MAP4K4: variants seen among roughly 807,000 people sequenced by gnomAD.
The protein encoded by MAP4K4 is HPK/GCK-like kinase HGK.
MAP4K4 carries 38 observed loss-of-function variants against 189.6 expected under a neutral mutation model. The ratio of observed to expected loss-of-function variants is 0.20; its 90% CI spans 0.15 to 0.26. MAP4K4 has a LOEUF of 0.26. Ranked by LOEUF, MAP4K4 falls within the 10% of genes least tolerant of loss-of-function variation. The probability of loss-of-function intolerance (pLI) is 1.00; values close to 1 mark genes in which losing one functional copy is unlikely to be tolerated. For missense variants in MAP4K4, 1,054 were observed against 1,726.9 expected, an observed-to-expected ratio of 0.61 and a Z score of 6.91; for synonymous variants, 610 against 624.3, an observed-to-expected ratio of 0.98 and a Z score of 0.34.
intron 2 of MAP4K4, among the ~76,000 whole-genome samples, chr2:101,721,736 C>G (rs910159607): frequency 7.2e-5 from 11 of 152,136 alleles, no homozygotes; most frequent in Non-Finnish European, 1.5e-4. Flanking sequence ...GTGCCCAGCC[C>G]TTGCTTTTTG....
At position 101,842,409 on chromosome 2, in the gene MAP4K4, A is replaced by C. The variant is rs145412179; in HGVS notation, c.950-200A>C. ...CCGTGGAATCAGCTTTTCTGTGGGGAGTAAGGCTGACCAGGGAATAGATGC... is the reference window on the plus strand; with the variant it reads ...CCGTGGAATCAGCTTTTCTGTGGGGCGTAAGGCTGACCAGGGAATAGATGC... On this transcript the variant is annotated intron_variant, in intron 10 of 32. Coordinates refer to ENST00000324219, the Ensembl canonical transcript of MAP4K4. Among the ~76,000 whole-genome samples, 863 of 152,220 alleles carry C rather than the reference A, an allele frequency of 5.7e-3. 9 individuals are homozygous for C. The highest frequency in any genetic ancestry group is 0.02 in the African/African-American group (836 of 41,532).
intron 2 of MAP4K4, among the ~76,000 whole-genome samples, chr2:101,726,786 C>T (rs2055625885): frequency 1.3e-5 from 2 of 152,144 alleles, no homozygotes; most frequent in Non-Finnish European, 2.9e-5. Context: ...TTCATTTTGA[C>T]CCTCTCAGTC....
chr2:101,894,428 T>A (rs1346830367), exon 33 of MAP4K4: 2 of 152,804 alleles, frequency 1.3e-5, no homozygotes, highest in East Asian at 3.7e-4. Flanking sequence ...ATTTATGGTT[T>A]ATTTTAAGTG....
In MAP4K4 at chr2:101,856,103, G is replaced by A. The variant is rs1336196586; in HGVS notation, c.1360G>A (p.Ala454Thr). 1.9e-6 allele frequency: 3 copies of A among 1,551,494 alleles called. No homozygotes were observed. In the African/African-American group the frequency reaches 4.1e-5, roughly 21 times the overall value. ...CAAAGAAGAAGAGGAGAGGAGACGG[G>A]CAGAAGAAGAAAAGAGGAGAGTTGA... Residue 454 changes from alanine to threonine, a missense_variant, in exon 13 of 33, where the codon GCA becomes ACA. By Grantham distance (58) the Ala-to-Thr change is moderately conservative. Coordinates refer to ENST00000324219, the Ensembl canonical transcript of MAP4K4.
chr2:101,850,055 AC>A (rs2097233104), intron 12 of MAP4K4, among the ~76,000 whole-genome samples: 1 of 152,004 alleles, frequency 6.6e-6, no homozygotes, highest in African/African-American at 2.4e-5. Flanking sequence ...CAAAGCCTTT[AC>A]CCCTGGACTC....
rs922551402 is a variant in MAP4K4, at chr2:101,778,605, G to T, written c.124-12115G>T. Among the ~76,000 whole-genome samples, 21 of 152,244 alleles carry T rather than the reference G, an allele frequency of 1.4e-4. No individual in the cohort carries two copies. The East Asian group carries it at 4.1e-3, about 29-fold the overall frequency. On this transcript the variant is annotated intron_variant, in intron 2 of 32. Coordinates refer to ENST00000324219, the Ensembl canonical transcript of MAP4K4. ...GGGTTGAGTGAAAAGCAGGGGCAGG[G>T]TTAAGAGGAGTCGGAGAGGATCTTC...
At chr2:101,839,717 GA>G (rs970303616) in intron 9 of MAP4K4, 101 bp from the exon 10 acceptor site, 1 of 846,850 alleles carries the variant, frequency 1.2e-6, no homozygotes, top group Non-Finnish European at 1.8e-6. Context: ...TGTTCACAGT[GA>G]ATTCTGAAGC....
At chr2:101,793,116 G>A (rs1216498210) in intron 3 of MAP4K4, among the ~76,000 whole-genome samples, 6 of 152,176 alleles carry the variant, frequency 3.9e-5, no homozygotes, top group African/African-American at 1.4e-4. Context: ...TTGGACACAT[G>A]CATGATATAA....
chr2:101,812,529 T>C (rs2095492630), intron 3 of MAP4K4, among the ~76,000 whole-genome samples: 1 of 152,164 alleles, frequency 6.6e-6, no homozygotes, highest in Non-Finnish European at 1.5e-5. Context: ...GTTAATGAAC[T>C]GTTTTAAGAC....
intron 27 of MAP4K4, among the ~76,000 whole-genome samples, chr2:101,879,400 A>G (rs943863850): frequency 6.6e-6 from 1 of 151,734 alleles, no homozygotes; most frequent in African/African-American, 2.4e-5. Context: ...TGTCACCCCC[A>G]TCTCAGAGAT....
Position 101,866,425 on chromosome 2 carries a change from C to G in MAP4K4, c.2205-3C>G. ...GCTGTTCTCTCTTCTTCTTTTCTAACAGCAGTATTGAGCCCAGGCTTCTGT... is the reference window on the plus strand; with the variant it reads ...GCTGTTCTCTCTTCTTCTTTTCTAAGAGCAGTATTGAGCCCAGGCTTCTGT... On this transcript the variant is annotated splice_region_variant and splice_polypyrimidine_tract_variant and intron_variant, in intron 18 of 32. Transcript: ENST00000324219. 3 of 1,606,878 alleles carry G rather than the reference C, an allele frequency of 1.9e-6. No individual in the cohort carries two copies. The East Asian group carries it at 6.7e-5, about 36-fold the overall frequency.
At chr2:101,719,400 A>C (rs1047003487) in intron 2 of MAP4K4, among the ~76,000 whole-genome samples, 1 of 152,220 alleles carries the variant, frequency 6.6e-6, no homozygotes, top group African/African-American at 2.4e-5. Context: ...TGGCTCACAG[A>C]GTTGGTCAGA....
chr2:101,883,361 T>TG (rs2098434848), intron 28 of MAP4K4, among the ~76,000 whole-genome samples: 1 of 152,166 alleles, frequency 6.6e-6, no homozygotes, highest in Non-Finnish European at 1.5e-5. Context: ...GATGGAGTTT[T>TG]GCTCTTGTTA....
At chr2:101,812,859 G>A (rs1200021676) in intron 3 of MAP4K4, among the ~76,000 whole-genome samples, 2 of 152,204 alleles carry the variant, frequency 1.3e-5, no homozygotes, top group African/African-American at 4.8e-5. Flanking sequence ...CAGGCGTGGT[G>A]GCTCACGCCT....
chr2:101,860,166 GAA>G (rs2097594889), intron 15 of MAP4K4: 1 of 440,942 alleles, frequency 2.3e-6, no homozygotes, highest in South Asian at 2.3e-5. Context: ...GTGGATGAGG[GAA>G]AGAGTGGTCT....
chr2:101,817,120 C>CT (rs1403369464), intron 3 of MAP4K4, among the ~76,000 whole-genome samples: 1 of 151,744 alleles, frequency 6.6e-6, no homozygotes, highest in Admixed American at 6.6e-5. Flanking sequence ...TTCATTTAAA[C>CT]TAAGTACTAA....
intron 3 of MAP4K4, among the ~76,000 whole-genome samples, chr2:101,814,968 A>T (rs1302309368): frequency 6.6e-6 from 1 of 152,186 alleles, no homozygotes; most frequent in Non-Finnish European, 1.5e-5. Context: ...GAGCTGTGTA[A>T]ATACTAGCCA....
At chr2:101,713,904 T>A (rs1055929595) in intron 2 of MAP4K4, among the ~76,000 whole-genome samples, 1 of 151,650 alleles carries the variant, frequency 6.6e-6, no homozygotes, top group Non-Finnish European at 1.5e-5. Context: ...AAAAAAAAAA[T>A]TTTCTAATTT....
chr2:101,780,889 T>C (rs2086995588), intron 2 of MAP4K4, among the ~76,000 whole-genome samples: 1 of 152,250 alleles, frequency 6.6e-6, no homozygotes, highest in African/African-American at 2.4e-5. Flanking sequence ...ATTTTTTTAG[T>C]GGCTAAAATA....
Sources: allele counts gnomAD v4.1 joint callset (sites outside exome capture counted in the v4.1 genomes callset), GRCh38; gene constraint gnomAD v4.1.1; transcripts MANE v1.5; gene names NCBI Gene and HGNC (gene_info 2026-07-23, HGNC 2026-07-21).